Variants in ADAMTS20 observed in about 807,000 individuals in gnomAD.
ADAMTS20 encodes the protein ADAM metallopeptidase with thrombospondin type 1 motif 20.
ADAMTS20 carries 225 observed loss-of-function variants against 260.1 expected under a neutral mutation model. That is an observed-to-expected ratio of 0.87 (90% CI 0.78 to 0.97). The LOEUF (loss-of-function observed/expected upper bound fraction) is 0.97. Among genes scored for constraint, ADAMTS20 ranks in the 50% least tolerant of loss-of-function variants. ADAMTS20 has a pLI of 0.00. For missense variants in ADAMTS20, 2,400 were observed against 2,337.7 expected (o/e 1.03, Z -0.55); for synonymous variants, 802 against 769.5 (o/e 1.04, Z -0.70).
At position 43,432,375 on chromosome 12, in the gene ADAMTS20, G is replaced by A; in HGVS notation, c.3025C>T (p.Leu1009=). The stretch of plus-strand genomic sequence containing the variant: ...CAATTCTCTCTCGTCACTCGGGACA[G>A]TTCTTGGCATTCATTGTCAGCAAGA... ...HRLADNECQE[L]SRVTRENCNE... Residue 1009 remains leucine (L), a synonymous_variant, in exon 21 of 39, where the codon CTG becomes TTG. Coordinates refer to ENST00000389420, the MANE Select transcript of ADAMTS20 (RefSeq NM_025003.5). 1 of 1,613,768 alleles carries A rather than the reference G, an allele frequency of 6.2e-7. No homozygotes were observed.
At chr12:43,453,828 T>C (rs991776452) in intron 12 of ADAMTS20, 79 bp downstream of exon 12, 12 of 1,506,936 alleles carry the variant, frequency 8.0e-6, no homozygotes, top group Non-Finnish European at 9.9e-6. Context: ...ACCTCCAGTT[T>C]TAGAAGTGAG....
intron 3 of ADAMTS20, among the ~76,000 whole-genome samples, chr12:43,531,550 A>G (rs1943220455): frequency 6.6e-6 from 1 of 152,156 alleles, no homozygotes; most frequent in Non-Finnish European, 1.5e-5. Flanking sequence ...AAGAAATATC[A>G]TATGACCTTA....
intron 28 of ADAMTS20, among the ~76,000 whole-genome samples, chr12:43,399,822 A>G (rs1019498598): frequency 6.6e-6 from 1 of 152,106 alleles, no homozygotes. Context: ...AAATAACTGA[A>G]GTCTTTTTAA....
chr12:43,501,506 T>TCACACACACACACACACAC (rs1491581398), intron 4 of ADAMTS20, among the ~76,000 whole-genome samples: 79 of 71,376 alleles, frequency 1.1e-3, no homozygotes, highest in South Asian at 5.5e-3. Flanking sequence ...CACACACATG[T>TCACACACACACACACACAC]AAGGATGAAG....
At chr12:43,442,480 A>G (rs1941685474) in intron 16 of ADAMTS20, among the ~76,000 whole-genome samples, 1 of 151,552 alleles carries the variant, frequency 6.6e-6, no homozygotes, top group Non-Finnish European at 1.5e-5. Context: ...CTGGTCTCGA[A>G]CTCCTGACCT....
intron 28 of ADAMTS20, among the ~76,000 whole-genome samples, chr12:43,401,533 A>G (rs1940809479): frequency 6.6e-6 from 1 of 151,900 alleles, no homozygotes. Flanking sequence ...GCCAAAGTTA[A>G]TAATTATTTT....
At chr12:43,403,483 T>C (rs1476700757) in intron 28 of ADAMTS20, among the ~76,000 whole-genome samples, 1 of 152,104 alleles carries the variant, frequency 6.6e-6, no homozygotes, top group Non-Finnish European at 1.5e-5. Flanking sequence ...AGAATTAATA[T>C]GTACCCAAAC....
chr12:43,463,035 A>ATT, intron 10 of ADAMTS20, 36 bp from the exon 11 acceptor site: 1 of 1,413,106 alleles, frequency 7.1e-7, no homozygotes, highest in Non-Finnish European at 9.8e-7. Flanking sequence ...GCCAGTGTAA[A>ATT]GATAACACCA....
chr12:43,463,270 T>G (rs1322592382), intron 10 of ADAMTS20, among the ~76,000 whole-genome samples: 1 of 152,236 alleles, frequency 6.6e-6, no homozygotes, highest in Non-Finnish European at 1.5e-5. Flanking sequence ...TCAAAATTAT[T>G]TGAGATAGTT....
chr12:43,383,532 T>A (rs17093250), intron 31 of ADAMTS20, 26 bp downstream of exon 31: 149,987 of 1,569,198 alleles, frequency 0.096, 10,347 homozygotes, highest in East Asian at 0.43. Flanking sequence ...GGAGCAAAAA[T>A]TCTCAACTTC....
chr12:43,363,500 A>G (rs1439499467), intron 37 of ADAMTS20, among the ~76,000 whole-genome samples: 1 of 152,082 alleles, frequency 6.6e-6, no homozygotes, highest in African/African-American at 2.4e-5. Context: ...TACTGCCATG[A>G]CTCAGCACTC....
At chr12:43,368,395 A>T (rs1940033382) in intron 37 of ADAMTS20, among the ~76,000 whole-genome samples, 1 of 152,084 alleles carries the variant, frequency 6.6e-6, no homozygotes, top group Non-Finnish European at 1.5e-5. Flanking sequence ...GTATAGATTT[A>T]TTCAGGTTCT....
intron 12 of ADAMTS20, among the ~76,000 whole-genome samples, chr12:43,453,100 T>C (rs922461071): frequency 6.6e-5 from 10 of 152,322 alleles, no homozygotes; most frequent in Admixed American, 1.3e-4. Flanking sequence ...ATGTATATCT[T>C]ATTTATCACT....
In ADAMTS20 at chr12:43,425,543, C is replaced by A; in HGVS notation, c.4255G>T (p.Val1419Leu). The A allele has an allele frequency of 3.2e-6, 5 of 1,572,574 alleles. No homozygotes were observed. The highest frequency in any genetic ancestry group is 4.3e-6 in the Non-Finnish European group (5 of 1,154,604). ...QCHMHACPAD[V>L]SWHQEPWTSC... is the part of the protein sequence containing the mutation. ...GTCCATGGTTCCTGATGCCATGACA[C>A]ATCAGCAGGGCAAGCATGCATATGA... Residue 1419 changes from valine (V) to leucine (L), a missense_variant, in exon 28 of 39, where the codon GTG becomes TTG. Physicochemically the swap from Val to Leu is conservative, Grantham distance 32. Coordinates refer to ENST00000389420, the MANE Select transcript of ADAMTS20 (RefSeq NM_025003.5).
intron 7 of ADAMTS20, among the ~76,000 whole-genome samples, chr12:43,487,002 G>A (rs1942531433): frequency 6.6e-6 from 1 of 152,124 alleles, no homozygotes; most frequent in Non-Finnish European, 1.5e-5. Context: ...AACCTCTGTG[G>A]AAAATAGTAT....
At chr12:43,521,894 C>T (rs542847135) in intron 3 of ADAMTS20, among the ~76,000 whole-genome samples, 1 of 152,140 alleles carries the variant, frequency 6.6e-6, no homozygotes, top group Admixed American at 6.6e-5. Flanking sequence ...TGTCACATTC[C>T]CTCTTGGCTG....
At chr12:43,515,725 C>G (rs1196453890) in intron 3 of ADAMTS20, among the ~76,000 whole-genome samples, 1 of 151,978 alleles carries the variant, frequency 6.6e-6, no homozygotes, top group East Asian at 1.9e-4. Flanking sequence ...ATTAATAGTA[C>G]TTAATATGTT....
chr12:43,367,186 GC>G (rs1286769184), intron 37 of ADAMTS20, among the ~76,000 whole-genome samples: 5 of 151,670 alleles, frequency 3.3e-5, no homozygotes, highest in Admixed American at 1.3e-4. Flanking sequence ...AACACGTCCC[GC>G]TACATTCTAT....
At chr12:43,477,332 C>A (rs900524786) in intron 7 of ADAMTS20, among the ~76,000 whole-genome samples, 2 of 152,022 alleles carry the variant, frequency 1.3e-5, no homozygotes, top group African/African-American at 4.8e-5. Flanking sequence ...AAAGATGGGA[C>A]AACAGGGTAT....
Sources: gnomAD v4.1 joint callset for allele counts (sites outside exome capture counted in the v4.1 genomes callset) on GRCh38, gnomAD v4.1.1 for gene constraint, MANE v1.5 for transcripts, NCBI Gene and HGNC (gene_info 2026-07-23, HGNC 2026-07-21) for gene names.